TRABD2B: variants seen among roughly 807,000 people sequenced by gnomAD.
TRABD2B encodes metalloprotease TIKI2.
TRABD2B carries 14 observed loss-of-function variants against 40.1 expected under a neutral mutation model. The observed-to-expected ratio is 0.35, with a 90% CI of 0.23 to 0.55. The LOEUF (loss-of-function observed/expected upper bound fraction) is 0.55. TRABD2B is among the 20% of genes least tolerant of loss of function. The probability of loss-of-function intolerance (pLI) is 0.90; values close to 1 mark genes in which losing one functional copy is unlikely to be tolerated. For synonymous variants in TRABD2B, 263 were observed against 277.0 expected, an observed-to-expected ratio of 0.95 and a Z score of 0.50; for missense variants, 541 against 648.6, an observed-to-expected ratio of 0.83 and a Z score of 1.80.
intron 2 of TRABD2B, among the ~76,000 whole-genome samples, chr1:47,979,385 T>C (rs1645807852): frequency 6.6e-6 from 1 of 152,142 alleles, no homozygotes; most frequent in Non-Finnish European, 1.5e-5. Context: ...TGTGAACATA[T>C]AAAAGACAAT....
chr1:47,869,520 C>T (rs995669786), intron 2 of TRABD2B, among the ~76,000 whole-genome samples: 4 of 152,132 alleles, frequency 2.6e-5, no homozygotes, highest in Non-Finnish European at 5.9e-5. Context: ...ACCCTGTTTT[C>T]CATTCTGGAT....
intron 2 of TRABD2B, among the ~76,000 whole-genome samples, chr1:47,950,158 G>A (rs1267628728): frequency 1.3e-5 from 2 of 152,100 alleles, no homozygotes; most frequent in African/African-American, 4.8e-5. Context: ...TGTGGTGGGC[G>A]CCTGTAGTCC....
chr1:47,989,188 T>C (rs1205723656), intron 2 of TRABD2B, among the ~76,000 whole-genome samples: 3 of 152,232 alleles, frequency 2.0e-5, no homozygotes, highest in Non-Finnish European at 4.4e-5. Flanking sequence ...TAATTTCTGT[T>C]GTTTATAAAT....
chr1:47,902,431 G>T (rs1487792850), intron 2 of TRABD2B, among the ~76,000 whole-genome samples: 1 of 152,156 alleles, frequency 6.6e-6, no homozygotes, highest in African/African-American at 2.4e-5. Context: ...GGGTCCTCAG[G>T]CTCTTTAGGA....
chr1:47,766,004 C>A lies in TRABD2B; in HGVS notation c.1452G>T (p.Pro484=), dbSNP rs892219403. ...GTGCCGAGCTGCTGGCGGGCCCTGG[C>A]GGGTCCTGCTGTTGTAGCTGGTCTG... The part of the protein sequence containing the change: ...QLSDQLQQQD[P]PGPASSSAPT... Residue 484 remains proline, a synonymous_variant, in exon 7 of 7, where the codon CCG becomes CCT. Coordinates refer to ENST00000606738, the MANE Select transcript of TRABD2B (RefSeq NM_001194986.2). The A allele has an allele frequency of 3.6e-5, 25 of 697,334 alleles. No individual in the cohort carries two copies. Among genetic ancestry groups the A allele is most frequent in the Admixed American group, 2.0e-4 (10 of 49,594 alleles). 43.2% of individuals were successfully genotyped at this position (697,334 alleles called of 1,614,324 possible).
At chr1:47,988,495 G>A (rs996983387) in intron 2 of TRABD2B, among the ~76,000 whole-genome samples, 1 of 152,196 alleles carries the variant, frequency 6.6e-6, no homozygotes, top group Non-Finnish European at 1.5e-5. Context: ...CAATGAAGGA[G>A]AGCAGCTGAG....
In TRABD2B at chr1:47,766,063, T is replaced by C. The variant is rs1001858376; in HGVS notation, c.1393A>G (p.Ser465Gly). Residue 465 changes from serine to glycine, a missense_variant, in exon 7 of 7, where the codon AGC becomes GGC. By Grantham distance (56) the Ser-to-Gly change is moderately conservative (BLOSUM62 0). Coordinates refer to ENST00000606738, the MANE Select transcript of TRABD2B (RefSeq NM_001194986.2). ...PPPLPLQPTHSSGTAKPPFQL... is the reference protein window; with the variant it reads ...PPPLPLQPTHGSGTAKPPFQL... ...AAGGGGGGCTTGGCGGTCCCCGAGC[T>C]GTGGGTGGGCTGCAGGGGCAGCGGG... The C allele has an allele frequency of 7.2e-6, 5 of 698,480 alleles. No individual in the cohort carries two copies. Among genetic ancestry groups the C allele is most frequent in the Non-Finnish European group, 1.0e-5 (4 of 382,888 alleles). The allele number at this position is 698,480 out of a possible 1,614,324, so 43.3% of individuals were successfully genotyped here. A position where few individuals can be genotyped will look rare whatever the true frequency, so the allele number is the denominator to read the frequency against.
chr1:47,790,241 G>A (rs1462254376), intron 4 of TRABD2B, among the ~76,000 whole-genome samples: 2 of 152,194 alleles, frequency 1.3e-5, no homozygotes, highest in East Asian at 3.9e-4. Flanking sequence ...ATCTTGGGGG[G>A]CTCTTGAGGC....
At chr1:47,841,741 A>T (rs1645399490) in intron 2 of TRABD2B, among the ~76,000 whole-genome samples, 1 of 151,120 alleles carries the variant, frequency 6.6e-6, no homozygotes, top group African/African-American at 2.4e-5. Context: ...CTTTCTGGAC[A>T]GGTCTTGCAA....
rs1265419412 is a variant in TRABD2B at position 47,955,112 on chromosome 1, CA to C, written c.666+38921del. Among the ~76,000 whole-genome samples, 8 of 152,200 alleles carry C rather than the reference CA, an allele frequency of 5.3e-5. 1 individual carries two copies. The highest frequency in any genetic ancestry group is 4.6e-4 in the Admixed American group (7 of 15,286). ...TCCTCCTAAACAGTCCCCCATTCCC[CA>C]TCCACACATGTCTTCTGTAGCTCAT... On this transcript the variant is annotated intron_variant, in intron 2 of 6. Coordinates refer to ENST00000606738, the MANE Select transcript of TRABD2B (RefSeq NM_001194986.2).
At chr1:47,925,964 C>A (rs1343062297) in intron 2 of TRABD2B, among the ~76,000 whole-genome samples, 1 of 152,130 alleles carries the variant, frequency 6.6e-6, no homozygotes, top group Non-Finnish European at 1.5e-5. Context: ...AAGAATTATA[C>A]CTCTTCTGTT....
chr1:47,906,109 A>C (rs1309018953), intron 2 of TRABD2B, among the ~76,000 whole-genome samples: 2 of 152,222 alleles, frequency 1.3e-5, no homozygotes, highest in East Asian at 3.9e-4. Context: ...TGGGATCAGA[A>C]GCCAGGTTTC....
chr1:47,789,290 C>A (rs1346340022), intron 4 of TRABD2B, among the ~76,000 whole-genome samples: 1 of 152,122 alleles, frequency 6.6e-6, no homozygotes, highest in Non-Finnish European at 1.5e-5. Context: ...ATCTTACACC[C>A]GTGACTTGGC....
intron 2 of TRABD2B, among the ~76,000 whole-genome samples, chr1:47,833,739 C>T (rs1645280403): frequency 6.6e-6 from 1 of 152,256 alleles, no homozygotes; most frequent in Admixed American, 6.5e-5. Context: ...TGCCCTTTCA[C>T]ACCTGTATAT....
chr1:47,939,163 CATTA>C (rs1378369885), intron 2 of TRABD2B, among the ~76,000 whole-genome samples: 2 of 151,872 alleles, frequency 1.3e-5, no homozygotes, highest in Non-Finnish European at 2.9e-5. Context: ...CTGTAATTAT[CATTA>C]ATTAGTAAGT....
chr1:47,946,124 A>AT lies in TRABD2B; in HGVS notation c.666+47909dup, dbSNP rs1347636443. ...GTACTCCACTGTACTTTTACTTTGC[A>AT]TTTTTCTAATGACTAAACATGTTAA... is the stretch of plus-strand genomic sequence containing the variant. On this transcript the variant is annotated intron_variant, in intron 2 of 6. Coordinates refer to ENST00000606738, the MANE Select transcript of TRABD2B (RefSeq NM_001194986.2). 4.6e-5 allele frequency among the ~76,000 whole-genome samples: 7 copies of AT among 152,054 alleles called. No individual in the cohort carries two copies. The East Asian group carries it at 1.4e-3, about 29-fold the overall frequency.
chr1:47,867,962 C>T (rs561276277), intron 2 of TRABD2B, among the ~76,000 whole-genome samples: 20 of 152,252 alleles, frequency 1.3e-4, no homozygotes, highest in South Asian at 6.2e-4. Flanking sequence ...TTTGGACTTC[C>T]TTTATTACCT....
At position 47,802,378 on chromosome 1, in the gene TRABD2B, A is replaced by C. The variant is rs533034474; in HGVS notation, c.667-759T>G. On this transcript the variant is annotated intron_variant, in intron 2 of 6. Transcript: ENST00000606738. The stretch of plus-strand genomic sequence containing the variant: ...GAGGATCGTGGCTCTAATGGAACAC[A>C]ACCTGCTCATTTTAGATGGGGACAC... 2.0e-5 allele frequency among the ~76,000 whole-genome samples: 3 copies of C among 152,298 alleles called. No homozygotes were observed. The South Asian group carries it at 6.2e-4, about 32-fold the overall frequency.
At chr1:47,953,186 CA>C (rs1645370909) in intron 2 of TRABD2B, among the ~76,000 whole-genome samples, 1 of 152,212 alleles carries the variant, frequency 6.6e-6, no homozygotes, top group Non-Finnish European at 1.5e-5. Flanking sequence ...GAGCACCAGG[CA>C]TGCAGGTACT....
Sources: gnomAD v4.1 joint callset for allele counts (sites outside exome capture counted in the v4.1 genomes callset) on GRCh38, gnomAD v4.1.1 for gene constraint, MANE v1.5 for transcripts, NCBI Gene and HGNC (gene_info 2026-07-23, HGNC 2026-07-21) for gene names.